Variants in BCAS3 observed in about 807,000 individuals in gnomAD.
BCAS3 encodes BCAS4/BCAS3 fusion.
BCAS3 carries 53 observed loss-of-function variants against 116.1 expected under a neutral mutation model. That is an observed-to-expected ratio of 0.46 (90% CI 0.37 to 0.57). The LOEUF (loss-of-function observed/expected upper bound fraction) is 0.57, where lower values mean the gene tolerates loss of function less well. Among genes scored for constraint, BCAS3 ranks in the 20% least tolerant of loss-of-function variants. The pLI is 0.00. For synonymous variants in BCAS3, 391 were observed against 408.2 expected (o/e 0.96, Z 0.51); for missense variants, 917 against 1,165.4 (o/e 0.79, Z 3.10).
rs539738688 is a variant in BCAS3 at position 61,205,719 on chromosome 17, G to A, written c.2425+121155G>A. 3.7e-4 allele frequency among the ~76,000 whole-genome samples: 57 copies of A among 152,258 alleles called. No individual in the cohort carries two copies. The highest frequency in any genetic ancestry group is 1.3e-3 in the African/African-American group (54 of 41,560). ...TTTATGTTCCTTAGACTCTTGCCCA[G>A]CATGCTTTTCCCACTCTATTTAGTC... On this transcript the variant is annotated intron_variant, in intron 22 of 23. Transcript: ENST00000407086. The surrounding 1 kb of genome is among the most constrained non-coding windows in gnomAD (Gnocchi z 5.2).
intron 12 of BCAS3, among the ~76,000 whole-genome samples, chr17:60,920,870 AAACAACAACAACAACAACAACAACAAC>A (rs58062382): frequency 1.8e-4 from 27 of 146,538 alleles, no homozygotes; most frequent in African/African-American, 6.5e-4. Context: ...ACTCCATCGC[AAACAACAACAACAACAACAACAACAAC>A]AACAACAACA....
chr17:60,758,012 G>A (rs2043165653), intron 6 of BCAS3, among the ~76,000 whole-genome samples: 1 of 151,994 alleles, frequency 6.6e-6, no homozygotes, highest in Non-Finnish European at 1.5e-5. Context: ...TTTATTGAAG[G>A]TCTTTTCCCT....
At chr17:61,042,702 T>G (rs1408098806) in intron 19 of BCAS3, among the ~76,000 whole-genome samples, 1 of 149,736 alleles carries the variant, frequency 6.7e-6, no homozygotes, top group Non-Finnish European at 1.5e-5. Flanking sequence ...AGCCTGGCCA[T>G]CATGGTGAAA....
intron 4 of BCAS3, among the ~76,000 whole-genome samples, chr17:60,704,078 G>A (rs572090095): frequency 2.4e-4 from 37 of 152,236 alleles, no homozygotes; most frequent in Non-Finnish European, 5.0e-4. Context: ...TTTGATAATT[G>A]TAGAAAGAAG....
rs554472448 is a variant in BCAS3, at chr17:61,286,803, A to C, written c.2426-81524A>C. Among the ~76,000 whole-genome samples the C allele has an allele frequency of 5.9e-5, 9 of 152,304 alleles. No homozygotes were observed. Among genetic ancestry groups the C allele is most frequent in the Admixed American group, 5.9e-4 (9 of 15,298 alleles). ...TATTGAGGCAAATTACACTACAGAG[A>C]TCCTGGCCAGGGTGAGGAAAGACAG... On this transcript the variant is annotated intron_variant, in intron 22 of 23. Transcript: ENST00000407086. The surrounding 1 kb of genome is among the most constrained non-coding windows in gnomAD (Gnocchi z 4.8).
intron 7 of BCAS3, among the ~76,000 whole-genome samples, chr17:60,855,287 C>T (rs1444469488): frequency 4.7e-5 from 7 of 150,468 alleles, no homozygotes; most frequent in African/African-American, 1.7e-4. Context: ...TTTAGTCTAC[C>T]TACCTTCTTA....
At chr17:61,184,619 A>G (rs991511306) in intron 22 of BCAS3, among the ~76,000 whole-genome samples, 1 of 152,196 alleles carries the variant, frequency 6.6e-6, no homozygotes. Context: ...TTTACTCAAG[A>G]GAATGAAAAT....
chr17:61,191,551 G>A (rs1042490784), intron 22 of BCAS3, among the ~76,000 whole-genome samples: 3 of 152,014 alleles, frequency 2.0e-5, no homozygotes, highest in Non-Finnish European at 4.4e-5. Flanking sequence ...CGAGGCGGGC[G>A]GATCACGAGG....
At chr17:61,176,121 A>G (rs2079116288) in intron 22 of BCAS3, among the ~76,000 whole-genome samples, 1 of 145,556 alleles carries the variant, frequency 6.9e-6, no homozygotes, top group Non-Finnish European at 1.5e-5. Flanking sequence ...CCTGGGAGAC[A>G]GAGCAAGACC....
At chr17:60,737,754 A>G (rs2041120047) in intron 5 of BCAS3, among the ~76,000 whole-genome samples, 1 of 151,518 alleles carries the variant, frequency 6.6e-6, no homozygotes, top group Non-Finnish European at 1.5e-5. Flanking sequence ...TGGTCATTTA[A>G]TGATTTCTGT....
rs879286486 is a variant in BCAS3 at position 61,171,634 on chromosome 17, A to AT, written c.2425+87080dup. Among the ~76,000 whole-genome samples, 148 of 149,728 alleles carry AT rather than the reference A, an allele frequency of 9.9e-4. 1 individual carries two copies. The highest frequency in any genetic ancestry group is 1.6e-3 in the African/African-American group (67 of 40,902). ...ATTATGCTAATACTAATTTTATTTT[A>AT]TTTTTTTTTTGAAACAGCGTCTGTT... On this transcript the variant is annotated intron_variant, in intron 22 of 23. Coordinates refer to ENST00000407086, the MANE Select transcript of BCAS3 (RefSeq NM_017679.5). This position sits in a 1 kb window ranked among gnomAD's most constrained non-coding sequence, Gnocchi z 4.1.
At chr17:60,882,723 G>C (rs374306580) in intron 9 of BCAS3, among the ~76,000 whole-genome samples, 15,765 of 131,736 alleles carry the variant, frequency 0.12, 1,165 homozygotes, top group African/African-American at 0.22. Flanking sequence ...GCTTGTTTTT[G>C]TCAGGTTTGT....
At chr17:61,193,503 A>T (rs2080273641) in intron 22 of BCAS3, among the ~76,000 whole-genome samples, 1 of 152,128 alleles carries the variant, frequency 6.6e-6, no homozygotes, top group South Asian at 2.1e-4. Context: ...CACGCCTGTA[A>T]TCCCAGCACT....
intron 6 of BCAS3, among the ~76,000 whole-genome samples, chr17:60,753,766 C>A (rs1362736142): frequency 6.6e-6 from 1 of 152,106 alleles, no homozygotes; most frequent in Admixed American, 6.5e-5. Context: ...GTAGTTCTTC[C>A]TTGCCAGTCT....
intron 6 of BCAS3, among the ~76,000 whole-genome samples, chr17:60,770,668 C>T (rs997698120): frequency 1.3e-5 from 2 of 151,086 alleles, no homozygotes; most frequent in Non-Finnish European, 3.0e-5. Context: ...CTGCCTGCTT[C>T]GGCCTCCCAA....
chr17:60,905,836 G>A (rs973181860), intron 11 of BCAS3, among the ~76,000 whole-genome samples: 5 of 152,190 alleles, frequency 3.3e-5, no homozygotes, highest in Non-Finnish European at 5.9e-5. Context: ...GGTCATGTTT[G>A]ATTTACATAG....
At chr17:61,044,465 A>AAAAAAT in intron 19 of BCAS3, among the ~76,000 whole-genome samples, 1 of 120,126 alleles carries the variant, frequency 8.3e-6, no homozygotes, top group African/African-American at 5.0e-5. Context: ...AAAAAAAAAA[A>AAAAAAT]ATATATATAT....
rs957351160 is a variant in BCAS3, at chr17:61,083,938, C to G, written c.2328-529C>G. ...TAGCTCAGTTAGTAGTGACCCACCC[C>G]GGCCACAGTACATCTTTGTTATCCT... On this transcript the variant is annotated intron_variant, in intron 21 of 23. Transcript: ENST00000407086. The surrounding 1 kb of genome is among the most constrained non-coding windows in gnomAD (Gnocchi z 4.9). 6.6e-6 allele frequency among the ~76,000 whole-genome samples: 1 copy of G among 152,070 alleles called. No homozygotes were observed. The highest frequency in any genetic ancestry group is 6.5e-5 in the Admixed American group (1 of 15,270).
At chr17:60,878,607 G>A (rs1221344780) in intron 9 of BCAS3, among the ~76,000 whole-genome samples, 5 of 152,176 alleles carry the variant, frequency 3.3e-5, no homozygotes, top group Non-Finnish European at 7.3e-5. Context: ...ACAGTTTGAT[G>A]TAGCATTTCA....
Sources: gnomAD v4.1 joint callset for allele counts (sites outside exome capture counted in the v4.1 genomes callset) on GRCh38, gnomAD v4.1.1 for gene constraint, Gnocchi (gnomAD v3.1) non-coding constraint, MANE v1.5 for transcripts, NCBI Gene and HGNC (gene_info 2026-07-23, HGNC 2026-07-21) for gene names.